Variants in MYO5B observed in about 807,000 individuals in gnomAD.
MYO5B encodes unconventional myosin-Vb.
A neutral mutation model predicts 229.3 loss-of-function variants in MYO5B; 143 were observed. The ratio of observed to expected loss-of-function variants is 0.62; its 90% CI spans 0.54 to 0.72. The LOEUF (loss-of-function observed/expected upper bound fraction) is 0.72, where lower values mean the gene tolerates loss of function less well. Ranked by LOEUF, MYO5B falls within the 30% of genes least tolerant of loss-of-function variation. The pLI, the probability that MYO5B is intolerant of heterozygous loss-of-function variation, is 0.00. For missense variants in MYO5B, 2,321 were observed against 2,331.0 expected, an observed-to-expected ratio of 1.00 and a Z score of 0.09; for synonymous variants, 918 against 885.2, an observed-to-expected ratio of 1.04 and a Z score of -0.66.
intron 32 of MYO5B, 106 bp from the exon 33 acceptor site, chr18:49,847,395 G>A: frequency 7.2e-7 from 1 of 1,393,076 alleles, no homozygotes; most frequent in Non-Finnish European, 9.9e-7. Flanking sequence ...GCAGGGGAAG[G>A]GGCATCTCTG....
chr18:49,906,963 G>A (rs1051643441), intron 18 of MYO5B, among the ~76,000 whole-genome samples: 1 of 152,142 alleles, frequency 6.6e-6, no homozygotes, highest in African/African-American at 2.4e-5. Flanking sequence ...GCGTGGGATG[G>A]GGATGTTCAA....
At chr18:49,854,744 G>C (rs2024241070) in intron 30 of MYO5B, among the ~76,000 whole-genome samples, 1 of 152,224 alleles carries the variant, frequency 6.6e-6, no homozygotes, top group South Asian at 2.1e-4. Flanking sequence ...CTGCCCTGGA[G>C]GAAGGCGCCA....
chr18:49,980,335 A>T (rs1171414956), intron 9 of MYO5B, 109 bp downstream of exon 9: 1 of 839,944 alleles, frequency 1.2e-6, no homozygotes, highest in Non-Finnish European at 2.0e-6. Flanking sequence ...ATTACTGTTA[A>T]GAATAAATAA....
chr18:50,119,023 A>T (rs1292139915), intron 1 of MYO5B, among the ~76,000 whole-genome samples: 1 of 152,184 alleles, frequency 6.6e-6, no homozygotes, highest in Non-Finnish European at 1.5e-5. Flanking sequence ...TAAGATGTAA[A>T]TGATCAAGAG....
intron 22 of MYO5B, among the ~76,000 whole-genome samples, chr18:49,894,385 G>A (rs1392079759): frequency 6.6e-6 from 1 of 152,200 alleles, no homozygotes; most frequent in African/African-American, 2.4e-5. Flanking sequence ...TATCTTGGCA[G>A]TGGAGCAGGG....
At chr18:49,942,396 A>ACAC (rs71169460) in intron 14 of MYO5B, among the ~76,000 whole-genome samples, 1 of 134,012 alleles carries the variant, frequency 7.5e-6, no homozygotes, top group Non-Finnish European at 1.5e-5. Context: ...AAAAAAAAAA[A>ACAC]AAAAAAAAAC....
At chr18:50,098,267 GT>G (rs149326990) in intron 1 of MYO5B, among the ~76,000 whole-genome samples, 7 of 151,660 alleles carry the variant, frequency 4.6e-5, no homozygotes, top group Non-Finnish European at 8.8e-5. Flanking sequence ...TTAAAATCAG[GT>G]TTTTTTTTAT....
At chr18:50,090,379 A>G (rs1017597006) in intron 1 of MYO5B, among the ~76,000 whole-genome samples, 1 of 152,104 alleles carries the variant, frequency 6.6e-6, no homozygotes, top group African/African-American at 2.4e-5. Flanking sequence ...AAATTAACAA[A>G]TTATGTCCAT....
chr18:49,968,954 A>T (rs1344110803), intron 10 of MYO5B, among the ~76,000 whole-genome samples: 1 of 151,964 alleles, frequency 6.6e-6, no homozygotes, highest in Non-Finnish European at 1.5e-5. Flanking sequence ...CTCCAGGCAC[A>T]CTCCAAAGGG....
chr18:49,863,196 C>T (rs764551280), intron 29 of MYO5B, 31 bp downstream of exon 29: 8 of 1,574,580 alleles, frequency 5.1e-6, no homozygotes, highest in Admixed American at 1.7e-5. Context: ...TCCGCGGCCT[C>T]GTCCAGCACA....
At chr18:50,080,065 C>T (rs2031182115) in intron 1 of MYO5B, among the ~76,000 whole-genome samples, 1 of 152,158 alleles carries the variant, frequency 6.6e-6, no homozygotes, top group Admixed American at 6.5e-5. Context: ...GCCCTGAATA[C>T]AATCACATTA....
intron 29 of MYO5B, among the ~76,000 whole-genome samples, chr18:49,861,522 A>T (rs975216203): frequency 6.6e-6 from 1 of 152,240 alleles, no homozygotes; most frequent in Non-Finnish European, 1.5e-5. Context: ...TCTTGACTCC[A>T]GTTTTAGCAC....
At chr18:50,043,137 G>A (rs560109346) in intron 2 of MYO5B, among the ~76,000 whole-genome samples, 27 of 150,306 alleles carry the variant, frequency 1.8e-4, no homozygotes, top group African/African-American at 6.4e-4. Context: ...GCTCATGCAC[G>A]TTTATAGCAG....
At chr18:49,909,864 T>C (rs1243159983) in intron 18 of MYO5B, among the ~76,000 whole-genome samples, 2 of 152,176 alleles carry the variant, frequency 1.3e-5, no homozygotes, top group African/African-American at 4.8e-5. Context: ...TACTTTTTCT[T>C]TAGGCAAGTC....
At chr18:50,035,402 C>T (rs1181565284) in intron 4 of MYO5B, among the ~76,000 whole-genome samples, 1 of 152,196 alleles carries the variant, frequency 6.6e-6, no homozygotes, top group Non-Finnish European at 1.5e-5. Context: ...CATAAAGAAA[C>T]CATCTTCTAA....
At chr18:50,149,050 A>T (rs1321841954) in intron 1 of MYO5B, among the ~76,000 whole-genome samples, 2 of 151,946 alleles carry the variant, frequency 1.3e-5, no homozygotes, top group Non-Finnish European at 2.9e-5. Context: ...ACAGACAAAC[A>T]GAGAGCCAAA....
intron 22 of MYO5B, among the ~76,000 whole-genome samples, chr18:49,888,889 C>T (rs1787549): frequency 0.58 from 88,381 of 152,104 alleles, 25,833 homozygotes; most frequent in Middle Eastern, 0.67. Flanking sequence ...CGCTTGGTGT[C>T]CTGCTCTGAC....
At chr18:49,898,099 T>C (rs72928068) in intron 21 of MYO5B, among the ~76,000 whole-genome samples, 5,180 of 152,296 alleles carry the variant, frequency 0.034, 118 homozygotes, top group Non-Finnish European at 0.051. Flanking sequence ...CTATGCCACA[T>C]AGCCTAGGTG....
intron 4 of MYO5B, among the ~76,000 whole-genome samples, chr18:50,011,187 C>A (rs1222362029): frequency 1.3e-5 from 2 of 151,954 alleles, no homozygotes; most frequent in Non-Finnish European, 2.9e-5. Flanking sequence ...CTAAAAATAC[C>A]AAAAATTAGC....
Sources: allele counts gnomAD v4.1 joint callset (sites outside exome capture counted in the v4.1 genomes callset), GRCh38; gene constraint gnomAD v4.1.1; transcripts MANE v1.5; gene names NCBI Gene and HGNC (gene_info 2026-07-23, HGNC 2026-07-21).